The following STRN variants were observed in gnomAD, a reference collection of about 807,000 sequenced individuals.
STRN encodes striatin, also known as protein phosphatase 2 regulatory subunit B'''alpha.
A neutral mutation model predicts 96.3 loss-of-function variants in STRN; 53 were observed. The observed-to-expected ratio is 0.55, with a 90% CI of 0.44 to 0.69. STRN has a LOEUF of 0.69. Ranked by LOEUF, STRN falls within the 30% of genes least tolerant of loss-of-function variation. The probability of loss-of-function intolerance (pLI) is 0.00; values close to 1 mark genes in which losing one functional copy is unlikely to be tolerated. For synonymous variants in STRN, 428 were observed against 355.9 expected (o/e 1.20, Z -2.28); for missense variants, 987 against 963.9 (o/e 1.02, Z -0.32).
chr2:36,913,712 T>C (rs921230959), intron 3 of STRN, among the ~76,000 whole-genome samples: 1 of 152,178 alleles, frequency 6.6e-6, no homozygotes, highest in Non-Finnish European at 1.5e-5. Context: ...ATTTATAAGA[T>C]GAATGGATGG....
chr2:36,890,510 G>C (rs1325061856), intron 7 of STRN, among the ~76,000 whole-genome samples: 2 of 130,112 alleles, frequency 1.5e-5, no homozygotes, highest in Non-Finnish European at 3.1e-5. Flanking sequence ...TTGAGACAGA[G>C]TCTCGCTCTG....
In STRN at chr2:36,861,330, T is replaced by C. The variant is rs565840586; in HGVS notation, c.1548-77A>G. On this transcript the variant is annotated intron_variant, in intron 12 of 17. Transcript: ENST00000263918. The stretch of plus-strand genomic sequence containing the variant: ...TAATATGACTTGTTAAAAATAAGAA[T>C]GTTTAATTACCCAAATGGCTATTTT... 5.1e-5 allele frequency: 79 copies of C among 1,542,726 alleles called. No homozygotes were observed. The African/African-American group carries it at 8.6e-4, about 17-fold the overall frequency.
chr2:36,962,630 G>A (rs1665055128), intron 1 of STRN, among the ~76,000 whole-genome samples: 1 of 151,508 alleles, frequency 6.6e-6, no homozygotes, highest in South Asian at 2.1e-4. Flanking sequence ...AGGTTCAAGC[G>A]ATTCTCCTGC....
At chr2:36,875,926 G>A (rs750621256) in intron 10 of STRN, among the ~76,000 whole-genome samples, 14 of 152,022 alleles carry the variant, frequency 9.2e-5, no homozygotes, top group East Asian at 1.9e-4. Context: ...CAAAGTGCTG[G>A]GATACAAGCG....
chr2:36,950,222 T>TTG lies in STRN; in HGVS notation c.234+16007_234+16008insCA, dbSNP rs1553406129. 2.7e-5 allele frequency among the ~76,000 whole-genome samples: 4 copies of TTG among 146,688 alleles called. No homozygotes were observed. In the East Asian group the frequency reaches 6.0e-4, roughly 22 times the overall value. On this transcript the variant is annotated intron_variant, in intron 1 of 17. Transcript: ENST00000263918. Reference sequence around the variant, plus strand: ...TGGTTGGTTTGGTTTTGTTTTTTTTTTTTTTTTTTTTGAGACTGAGTCTCA... The same window carrying TTG: ...TGGTTGGTTTGGTTTTGTTTTTTTTTTGTTTTTTTTTTTGAGACTGAGTCTCA...
Position 36,893,773 on chromosome 2 carries a change from A to G in STRN, c.931+125T>C, listed in dbSNP as rs1245021579. 12 of 1,134,938 alleles carry G rather than the reference A, an allele frequency of 1.1e-5. 1 individual carries two copies. In the East Asian group the frequency reaches 2.8e-4, roughly 26 times the overall value. The allele number at this position is 1,134,938 out of a possible 1,614,324, so 70.3% of individuals were successfully genotyped here. A position where few individuals can be genotyped will look rare whatever the true frequency, so the allele number is the denominator to read the frequency against. On this transcript the variant is annotated intron_variant, in intron 7 of 17. Coordinates refer to ENST00000263918, the MANE Select transcript of STRN (RefSeq NM_003162.4). ...ACATTCACCCTGGATAAAGGGTGCT[A>G]GTAGTAATAAGTTCACAGAATGCTC...
At chr2:36,899,128 A>C (rs1669617949) in intron 6 of STRN, among the ~76,000 whole-genome samples, 9 of 152,210 alleles carry the variant, frequency 5.9e-5, no homozygotes, top group Admixed American at 4.6e-4. Flanking sequence ...CTACCAAAAC[A>C]ATCCTGACAA....
At chr2:36,915,445 A>C (rs1455649217) in intron 3 of STRN, among the ~76,000 whole-genome samples, 1 of 151,574 alleles carries the variant, frequency 6.6e-6, no homozygotes, top group Admixed American at 6.6e-5. Context: ...CCTACTAATA[A>C]GTGAATTATA....
rs1668044199 is a variant in STRN at position 36,845,482 on chromosome 2, G to C, written c.*3974C>G. The C allele has an allele frequency of 6.6e-6, 1 of 151,882 alleles. No individual in the cohort carries two copies. Among genetic ancestry groups the C allele is most frequent in the Admixed American group, 6.6e-5 (1 of 15,244 alleles). The allele number at this position is 151,882 out of a possible 1,614,324, so 9.4% of individuals were successfully genotyped here. A position where few individuals can be genotyped will look rare whatever the true frequency, so the allele number is the denominator to read the frequency against. On this transcript the variant is annotated 3_prime_UTR_variant, in exon 18 of 18. Coordinates refer to ENST00000263918, the MANE Select transcript of STRN (RefSeq NM_003162.4). ...TTTAAATATTTTAAGACTATTCTTA[G>C]GTGGAATTTTAACTAGTTCAGGTAT...
At chr2:36,890,863 G>C (rs1333872067) in intron 7 of STRN, among the ~76,000 whole-genome samples, 1 of 152,210 alleles carries the variant, frequency 6.6e-6, no homozygotes, top group East Asian at 1.9e-4. Flanking sequence ...TGAACACTAA[G>C]GGCAAGAAGA....
intron 1 of STRN, among the ~76,000 whole-genome samples, chr2:36,934,259 C>CTAA (rs1670647355): frequency 6.6e-6 from 1 of 152,158 alleles, no homozygotes; most frequent in Non-Finnish European, 1.5e-5. Context: ...AATCAGTGAA[C>CTAA]TAATTCAGCA....
intron 1 of STRN, among the ~76,000 whole-genome samples, chr2:36,952,712 A>G (rs1558667710): frequency 6.6e-6 from 1 of 152,240 alleles, no homozygotes; most frequent in Non-Finnish European, 1.5e-5. Flanking sequence ...AAGAACAGAA[A>G]GAAGAAACAA....
At chr2:36,913,814 AG>A (rs1377880298) in intron 3 of STRN, among the ~76,000 whole-genome samples, 2 of 152,256 alleles carry the variant, frequency 1.3e-5, no homozygotes, top group Non-Finnish European at 2.9e-5. Flanking sequence ...CATTTGAGTT[AG>A]GAAGTATTCC....
intron 7 of STRN, among the ~76,000 whole-genome samples, chr2:36,890,299 A>T (rs189183701): frequency 1.5e-3 from 234 of 152,244 alleles, no homozygotes; most frequent in Non-Finnish European, 2.7e-3. Context: ...CAATGACTAA[A>T]TAAGTATCTT....
chr2:36,899,573 C>T lies in STRN; in HGVS notation c.745G>A (p.Glu249Lys). 1 of 1,613,804 alleles carries T rather than the reference C, an allele frequency of 6.2e-7. No homozygotes were observed. ...SAAADFSDED[E>K]DDDVDGREKS... The stretch of plus-strand genomic sequence containing the variant: ...TCTCTTCCATCAACATCATCATCTT[C>T]ATCTTCATCACTGAAATCTGCAGCT... Residue 249 changes from glutamate to lysine, a missense_variant, in exon 6 of 18, where the codon GAA (glutamate) becomes AAA (lysine). Glu to Lys is a moderately conservative substitution (Grantham distance 56, BLOSUM62 1). Coordinates refer to ENST00000263918, the MANE Select transcript of STRN (RefSeq NM_003162.4).
chr2:36,892,857 C>T (rs1272019573), intron 7 of STRN, among the ~76,000 whole-genome samples: 1 of 152,066 alleles, frequency 6.6e-6, no homozygotes, highest in Non-Finnish European at 1.5e-5. Flanking sequence ...CCTGTTACTA[C>T]TAAAAATACA....
intron 1 of STRN, among the ~76,000 whole-genome samples, chr2:36,965,956 G>T (rs1021380072): frequency 2.0e-5 from 3 of 152,112 alleles, no homozygotes; most frequent in Admixed American, 1.3e-4. Context: ...CCAGAGAGTT[G>T]AAATGAGTCT....
chr2:36,964,933 A>G (rs767953485), intron 1 of STRN, among the ~76,000 whole-genome samples: 4 of 152,184 alleles, frequency 2.6e-5, no homozygotes, highest in Admixed American at 6.5e-5. Context: ...AAAATACATG[A>G]TAAAACTGAA....
At position 36,854,782 on chromosome 2, in the gene STRN, A is replaced by G. The variant is rs1477695389; in HGVS notation, c.1978+430T>C. On this transcript the variant is annotated intron_variant, in intron 15 of 17. Transcript: ENST00000263918. ...CTTATTTCCTGACTTCCTGCATCCA[A>G]TAAGAAGCTTCAGGTTTGGAATTCT... is the stretch of plus-strand genomic sequence containing the variant. 3.3e-5 allele frequency among the ~76,000 whole-genome samples: 5 copies of G among 152,170 alleles called. No homozygotes were observed. In the South Asian group the frequency reaches 8.3e-4, roughly 25 times the overall value.
Sources: gnomAD v4.1 joint callset for allele counts (sites outside exome capture counted in the v4.1 genomes callset) on GRCh38, gnomAD v4.1.1 for gene constraint, MANE v1.5 for transcripts, NCBI Gene and HGNC (gene_info 2026-07-23, HGNC 2026-07-21) for gene names.